Variants in MRPS28 observed in about 807,000 individuals in gnomAD.
MRPS28 encodes the protein small ribosomal subunit protein bS1m.
Under a neutral mutation model 10.8 loss-of-function variants are expected in MRPS28, and 7 were observed. The observed-to-expected ratio is 0.65, with a 90% CI of 0.37 to 1.22. The LOEUF (loss-of-function observed/expected upper bound fraction) is 1.22. MRPS28 is among the 50% of genes most tolerant of loss of function. MRPS28 has a pLI of 0.02. For missense variants in MRPS28, 265 were observed against 232.9 expected (o/e 1.14, Z -0.90); for synonymous variants, 121 against 93.3 (o/e 1.30, Z -1.71).
chr8:79,938,248 C>T (rs1272159106), intron 2 of MRPS28, among the ~76,000 whole-genome samples: 1 of 151,936 alleles, frequency 6.6e-6, no homozygotes, highest in African/African-American at 2.4e-5. Context: ...GCATGCTCCT[C>T]CTATTTGCCA....
At position 79,919,923 on chromosome 8, in the gene MRPS28, A is replaced by G. The variant is rs188134996; in HGVS notation, c.396-775T>C. On this transcript the variant is annotated intron_variant, in intron 2 of 2. Coordinates refer to ENST00000276585, the MANE Select transcript of MRPS28 (RefSeq NM_014018.3). ...TTAACTCGTCATTTACGTTAGGTAT[A>G]TCTCCTAATGCTATCCCTCCCCCCA... Among the ~76,000 whole-genome samples, 13 of 145,356 alleles carry G rather than the reference A, an allele frequency of 8.9e-5. No individual in the cohort carries two copies. The East Asian group carries it at 1.1e-3, about 12-fold the overall frequency.
intron 2 of MRPS28, among the ~76,000 whole-genome samples, chr8:79,930,484 C>G (rs933401915): frequency 6.6e-6 from 1 of 152,242 alleles, no homozygotes; most frequent in Non-Finnish European, 1.5e-5. Flanking sequence ...TATAACACAT[C>G]TGCAACTTGT....
At chr8:79,944,767 C>T (rs1806863732) in intron 2 of MRPS28, among the ~76,000 whole-genome samples, 1 of 149,004 alleles carries the variant, frequency 6.7e-6, no homozygotes, top group Non-Finnish European at 1.5e-5. Context: ...ACAATCTCAT[C>T]TCACTGCAAC....
intron 2 of MRPS28, among the ~76,000 whole-genome samples, chr8:79,983,655 A>G (rs1453606052): frequency 1.3e-5 from 2 of 152,238 alleles, no homozygotes; most frequent in Non-Finnish European, 2.9e-5. Context: ...GATGCGATCA[A>G]CTGGAAGAAA....
At chr8:80,018,590 CAAAT>C (rs1434791585) in intron 1 of MRPS28, among the ~76,000 whole-genome samples, 1 of 152,036 alleles carries the variant, frequency 6.6e-6, no homozygotes, top group Non-Finnish European at 1.5e-5. Flanking sequence ...CCACAAAAAA[CAAAT>C]AACCAAAACT....
chr8:79,951,337 T>G (rs114473093), intron 2 of MRPS28, among the ~76,000 whole-genome samples: 1,785 of 152,234 alleles, frequency 0.012, 45 homozygotes, highest in African/African-American at 0.039. Flanking sequence ...AAGATGGCCA[T>G]TCTATCCCCA....
intron 2 of MRPS28, among the ~76,000 whole-genome samples, chr8:79,926,965 G>GATT (rs1453439492): frequency 2.0e-5 from 3 of 152,160 alleles, no homozygotes. Flanking sequence ...CAAAATCACT[G>GATT]ATTAATGCGT....
rs565254498 is a variant in MRPS28 at position 79,959,986 on chromosome 8, A to G, written c.396-40838T>C. ...CCAAATCTCCCACGGATTATTCCCA[A>G]ACCTCAAATCCTGACAACATCCTGT... On this transcript the variant is annotated intron_variant, in intron 2 of 2. Transcript: ENST00000276585. Among the ~76,000 whole-genome samples the G allele has an allele frequency of 3.9e-5, 6 of 152,228 alleles. No individual in the cohort carries two copies. In the South Asian group the frequency reaches 1.2e-3, roughly 32 times the overall value.
intron 1 of MRPS28, among the ~76,000 whole-genome samples, chr8:80,024,626 T>A (rs1237065562): frequency 6.6e-6 from 1 of 152,210 alleles, no homozygotes; most frequent in African/African-American, 2.4e-5. Flanking sequence ...ACCATATACA[T>A]ATTTTTAAGT....
intron 2 of MRPS28, among the ~76,000 whole-genome samples, chr8:79,959,857 T>C (rs1247139383): frequency 6.6e-6 from 1 of 152,172 alleles, no homozygotes; most frequent in African/African-American, 2.4e-5. Context: ...CTCATAATCT[T>C]ATAAGCCAAT....
chr8:80,027,663 G>C (rs1809526509), intron 1 of MRPS28, among the ~76,000 whole-genome samples: 1 of 152,236 alleles, frequency 6.6e-6, no homozygotes, highest in South Asian at 2.1e-4. Flanking sequence ...TATCAATTAA[G>C]AAGGAGTAAA....
At chr8:79,994,271 T>C (rs990853427) in intron 2 of MRPS28, among the ~76,000 whole-genome samples, 1 of 152,178 alleles carries the variant, frequency 6.6e-6, no homozygotes, top group African/African-American at 2.4e-5. Context: ...TATACACATA[T>C]ATACAATATT....
intron 2 of MRPS28, among the ~76,000 whole-genome samples, chr8:79,928,086 G>C (rs992624706): frequency 6.6e-6 from 1 of 152,098 alleles, no homozygotes; most frequent in South Asian, 2.1e-4. Context: ...CACTTTGGGA[G>C]GCTGAGGCAG....
chr8:80,030,048 C>T lies in MRPS28; in HGVS notation c.201G>A (p.Glu67=). 6.2e-7 allele frequency: 1 copy of T among 1,613,492 alleles called. No individual in the cohort carries two copies. The highest frequency in any genetic ancestry group is 8.5e-7 in the Non-Finnish European group (1 of 1,179,738). The change falls in exon 1 of 3, where the codon GAG becomes GAA. Residue 67 remains glutamate, a synonymous_variant. Transcript: ENST00000276585. The part of the protein sequence containing the change: ...ERHSELLQKV[E]PLQKGSPKNV... ...GCCCGGGCTCCACCTTCTGTAGGGG[C>T]TCCACCTTCTGTAGAAGCTCCGAGT...
At chr8:80,005,068 T>C (rs1808791326) in intron 1 of MRPS28, among the ~76,000 whole-genome samples, 1 of 152,226 alleles carries the variant, frequency 6.6e-6, no homozygotes, top group Admixed American at 6.5e-5. Flanking sequence ...CTCTTCAGGA[T>C]ATTATCCAGG....
At chr8:79,954,906 A>G (rs1014574674) in intron 2 of MRPS28, among the ~76,000 whole-genome samples, 9 of 152,158 alleles carry the variant, frequency 5.9e-5, no homozygotes, top group Non-Finnish European at 1.0e-4. Flanking sequence ...AGGCTGAGGC[A>G]GGAGAATTGC....
At chr8:79,976,606 T>C (rs1807808655) in intron 2 of MRPS28, among the ~76,000 whole-genome samples, 1 of 151,976 alleles carries the variant, frequency 6.6e-6, no homozygotes, top group Non-Finnish European at 1.5e-5. Flanking sequence ...CACGGGAGGC[T>C]GAGGTGGGAG....
chr8:79,967,636 C>T (rs1807534349), intron 2 of MRPS28, among the ~76,000 whole-genome samples: 1 of 152,136 alleles, frequency 6.6e-6, no homozygotes, highest in Admixed American at 6.5e-5. Flanking sequence ...CCTAACACCA[C>T]CCTATGCCTG....
intron 2 of MRPS28, among the ~76,000 whole-genome samples, chr8:79,984,310 C>T (rs1436302430): frequency 6.6e-6 from 1 of 152,240 alleles, no homozygotes; most frequent in Non-Finnish European, 1.5e-5. Context: ...GTACTAGCTA[C>T]TGCATAATCA....
Sources: gnomAD v4.1 joint callset for allele counts (sites outside exome capture counted in the v4.1 genomes callset) on GRCh38, gnomAD v4.1.1 for gene constraint, MANE v1.5 for transcripts, NCBI Gene and HGNC (gene_info 2026-07-23, HGNC 2026-07-21) for gene names.